Variants in RAB40C observed in about 807,000 individuals in gnomAD.
The protein encoded by RAB40C is ras-related protein Rab-40C.
In RAB40C, 8 loss-of-function variants were observed where a neutral mutation model predicts 28.1. That is an observed-to-expected ratio of 0.28 (90% confidence interval 0.17 to 0.51). The LOEUF (loss-of-function observed/expected upper bound fraction) is 0.51. Among genes scored for constraint, RAB40C ranks in the 20% least tolerant of loss-of-function variants. The pLI is 0.97. For synonymous variants in RAB40C, 201 were observed against 171.7 expected, an observed-to-expected ratio of 1.17 and a Z score of -1.34; for missense variants, 288 against 405.9, an observed-to-expected ratio of 0.71 and a Z score of 2.50.
Position 590,108 on chromosome 16 carries a change from G to C in RAB40C, c.-184G>C. ...GTGGTGCGGGAAGCGGCGGGGCGGC[G>C]GCGAGGCTGAGGTGCGCCCGGGCGC... is the stretch of plus-strand genomic sequence containing the variant. On this transcript the variant is annotated 5_prime_UTR_variant, in exon 1 of 6. Coordinates refer to ENST00000248139, the MANE Select transcript of RAB40C (RefSeq NM_021168.5). 1 of 181,450 alleles carries C rather than the reference G, an allele frequency of 5.5e-6. No individual in the cohort carries two copies. Among genetic ancestry groups the C allele is most frequent in the East Asian group, 1.9e-4 (1 of 5,154 alleles). 11.2% of individuals were successfully genotyped at this position (181,450 alleles called of 1,614,324 possible).
At position 620,765 on chromosome 16, in the gene RAB40C, C is replaced by T. The variant is rs28523441; in HGVS notation, c.264+2505C>T. On this transcript the variant is annotated intron_variant, in intron 3 of 5. Coordinates refer to ENST00000248139, the MANE Select transcript of RAB40C (RefSeq NM_021168.5). ...CACCGCGGGCATCCCAGCCCCCCGC[C>T]GACGGGCTCCACCGCGGGCATCCCA... 2.2e-3 allele frequency among the ~76,000 whole-genome samples: 224 copies of T among 101,070 alleles called. 3 individuals are homozygous for T. Among genetic ancestry groups the T allele is most frequent in the African/African-American group, 9.1e-3 (188 of 20,768 alleles). The allele number at this position is 101,070 out of a possible 152,430, so 66.3% of individuals were successfully genotyped here. A position where few individuals can be genotyped will look rare whatever the true frequency, so the allele number is the denominator to read the frequency against.
intron 1 of RAB40C, among the ~76,000 whole-genome samples, chr16:591,084 G>A (rs948123366): frequency 6.6e-6 from 1 of 150,430 alleles, no homozygotes; most frequent in East Asian, 2.0e-4. Context: ...ATGGTCCTAA[G>A]GGAAGCTGTC....
Position 627,415 on chromosome 16 carries a change from ACTGCCCGTCACCAT to A in RAB40C, c.641_654del (p.Leu214GlnfsTer59). The A allele has an allele frequency of 6.2e-7, 1 of 1,613,654 alleles. No individual in the cohort carries two copies. The highest frequency in any genetic ancestry group is 8.5e-7 in the Non-Finnish European group (1 of 1,179,932). ...CCGTGCACCTCATCGACAAGCTTCC[ACTGCCCGTCACCAT>A]CAAGAGCCACCTCAAGTCCTTCTCG... On this transcript the variant is annotated frameshift_variant, in exon 6 of 6. Transcript: ENST00000248139. LOFTEE classifies it high-confidence loss of function.
Position 627,579 on chromosome 16 carries a change from G to GCCCACCCCAGAA in RAB40C, c.806_807insACCCCAGAACCC (p.Pro269_Asn272dup), listed in dbSNP as rs769795950. On this transcript the variant is annotated inframe_insertion, in exon 6 of 6. Transcript: ENST00000248139. ...TCCAAGTCCATCCGTCCACCCCAGA[G>GCCCACCCCAGAA]CCCCCCCCAGAACTGCTCGCGGAGT... 1.2e-6 allele frequency: 2 copies of GCCCACCCCAGAA among 1,608,228 alleles called. No homozygotes were observed. Among genetic ancestry groups the GCCCACCCCAGAA allele is most frequent in the African/African-American group, 2.7e-5 (2 of 74,802 alleles).
In RAB40C at chr16:590,219, G is replaced by A. The variant is rs562176124; in HGVS notation, c.-73G>A. 1 of 1,163,966 alleles carries A rather than the reference G, an allele frequency of 8.6e-7. No individual in the cohort carries two copies. The highest frequency in any genetic ancestry group is 1.6e-5 in the African/African-American group (1 of 60,906). 72.1% of individuals were successfully genotyped at this position (1,163,966 alleles called of 1,614,324 possible). A position where few individuals can be genotyped will look rare whatever the true frequency, so the allele number is the denominator to read the frequency against. ...GCAACGGGCGCAGGTGCGGGGCGCG[G>A]GCTCTCTCACGCCGCGGCCTCACCC... is the stretch of plus-strand genomic sequence containing the variant. On this transcript the variant is annotated 5_prime_UTR_variant, in exon 1 of 6. Coordinates refer to ENST00000248139, the MANE Select transcript of RAB40C (RefSeq NM_021168.5).
At chr16:601,943 T>C (rs1343677227) in intron 1 of RAB40C, among the ~76,000 whole-genome samples, 2 of 148,276 alleles carry the variant, frequency 1.3e-5, no homozygotes, top group African/African-American at 2.5e-5. Context: ...CTGGCCAGCA[T>C]GGTGAAACTC....
At chr16:613,724 T>A (rs1032445168) in intron 1 of RAB40C, among the ~76,000 whole-genome samples, 3 of 152,190 alleles carry the variant, frequency 2.0e-5, no homozygotes, top group Non-Finnish European at 4.4e-5. Flanking sequence ...TCTTTAGTCC[T>A]TAAGGACTCA....
chr16:624,474 C>T (rs1426855994), intron 3 of RAB40C: 1 of 985,360 alleles, frequency 1.0e-6, no homozygotes, highest in African/African-American at 1.7e-5. Context: ...GGCCTTCGCC[C>T]TGGGAGCTTA....
At chr16:603,534 T>A (rs760596169) in intron 1 of RAB40C, among the ~76,000 whole-genome samples, 5 of 152,184 alleles carry the variant, frequency 3.3e-5, no homozygotes, top group Non-Finnish European at 5.9e-5. Flanking sequence ...GGCTGTCTTG[T>A]AGGGTAATCC....
rs989460061 is a variant in RAB40C, at chr16:594,854, C to G, written c.142+4421C>G. On this transcript the variant is annotated intron_variant, in intron 1 of 5. Coordinates refer to ENST00000248139, the MANE Select transcript of RAB40C (RefSeq NM_021168.5). ...TTTTTTTTTTAGACGAAGTCTTACTCTCTTGCGCAGGCTGGAGTGCAGTGG... is the reference window on the plus strand; with the variant it reads ...TTTTTTTTTTAGACGAAGTCTTACTGTCTTGCGCAGGCTGGAGTGCAGTGG... 6.2e-5 allele frequency among the ~76,000 whole-genome samples: 9 copies of G among 144,762 alleles called. No homozygotes were observed. In the East Asian group the frequency reaches 1.7e-3, roughly 27 times the overall value. The allele number at this position is 144,762 out of a possible 152,430, so 95.0% of individuals were successfully genotyped here.
rs549902550 is a variant in RAB40C at position 625,236 on chromosome 16, C to G, written c.265-196C>G. On this transcript the variant is annotated intron_variant, in intron 3 of 5. Transcript: ENST00000248139. ...AGGCGCCCACCCCCCTGCTGCAGTC[C>G]TGCCAGGTGAGGGCAGGGGTGAGGG... 4.2e-6 allele frequency: 6 copies of G among 1,444,604 alleles called. No homozygotes were observed. The South Asian group carries it at 5.4e-5, about 13-fold the overall frequency. 89.5% of individuals were successfully genotyped at this position (1,444,604 alleles called of 1,614,324 possible).
intron 1 of RAB40C, among the ~76,000 whole-genome samples, chr16:615,970 A>G (rs1438406790): frequency 6.6e-6 from 1 of 150,848 alleles, no homozygotes; most frequent in Non-Finnish European, 1.5e-5. Context: ...TCAAAAAAGA[A>G]AAAAAGGCCG....
rs2151054647 is a variant in RAB40C, at chr16:590,148, C to T, written c.-144C>T. On this transcript the variant is annotated 5_prime_UTR_variant, in exon 1 of 6. Coordinates refer to ENST00000248139, the MANE Select transcript of RAB40C (RefSeq NM_021168.5). ...CGCCCGGGCGCGGGCGGGGCGGGGC[C>T]GGCGCTGGGCTTCGGGCGCGCCCAC... The T allele has an allele frequency of 2.5e-6, 1 of 395,216 alleles. No homozygotes were observed. The highest frequency in any genetic ancestry group is 3.4e-6 in the Non-Finnish European group (1 of 293,086). 24.5% of individuals were successfully genotyped at this position (395,216 alleles called of 1,614,324 possible).
At chr16:592,040 G>A (rs1405114685) in intron 1 of RAB40C, among the ~76,000 whole-genome samples, 1 of 152,200 alleles carries the variant, frequency 6.6e-6, no homozygotes, top group Non-Finnish European at 1.5e-5. Flanking sequence ...CCTCTCATGG[G>A]GGCCTGGACC....
At position 590,256 on chromosome 16, in the gene RAB40C, G is replaced by T; in HGVS notation, c.-36G>T. The T allele has an allele frequency of 7.0e-7, 1 of 1,419,442 alleles. No individual in the cohort carries two copies. Among genetic ancestry groups the T allele is most frequent in the Non-Finnish European group, 9.2e-7 (1 of 1,082,012 alleles). The allele number at this position is 1,419,442 out of a possible 1,614,324, so 87.9% of individuals were successfully genotyped here. ...CCGCGGCCTCACCCGGCGGTGCTTC[G>T]GCAGGCGGCCGGCGCGGGGCGCAGG... On this transcript the variant is annotated 5_prime_UTR_variant, in exon 1 of 6. Coordinates refer to ENST00000248139, the MANE Select transcript of RAB40C (RefSeq NM_021168.5).
At chr16:594,898 C>T (rs886265077) in intron 1 of RAB40C, among the ~76,000 whole-genome samples, 1 of 151,396 alleles carries the variant, frequency 6.6e-6, no homozygotes, top group Non-Finnish European at 1.5e-5. Flanking sequence ...CGGCTCACTG[C>T]AACCTCTGCC....
chr16:618,711 C>G (rs537250114), intron 3 of RAB40C, among the ~76,000 whole-genome samples: 12 of 137,328 alleles, frequency 8.7e-5, no homozygotes, highest in African/African-American at 3.5e-4. Context: ...TGGGTGCACT[C>G]AGGGCCATGT....
At position 627,342 on chromosome 16, in the gene RAB40C, T is replaced by G. The variant is rs1022176244; in HGVS notation, c.566T>G (p.Val189Gly). The change falls in exon 6 of 6, where the codon GTG (valine) becomes GGG (glycine). Residue 189 changes from valine to glycine, a missense_variant and splice_region_variant. Physicochemically the swap from Val to Gly is moderately radical, Grantham distance 109 (BLOSUM62 -3). Around this residue, in one of 3 missense-constraint regions of RAB40C, gnomAD observed 153 missense variants for 262.4 expected, o/e 0.58. Transcript: ENST00000248139. ...GTCTGACACCCCCTCTGCCCCACAGTGTTCAGCCTGCAGGACCTCTGCTGC... is the reference window on the plus strand; with the variant it reads ...GTCTGACACCCCCTCTGCCCCACAGGGTTCAGCCTGCAGGACCTCTGCTGC... The part of the protein sequence containing the change: ...GMEKIWRPNR[V>G]FSLQDLCCRA... 6.2e-7 allele frequency: 1 copy of G among 1,611,720 alleles called. No homozygotes were observed. Among genetic ancestry groups the G allele is most frequent in the Non-Finnish European group, 8.5e-7 (1 of 1,179,016 alleles).
At chr16:625,788 C>A in intron 4 of RAB40C, 111 bp from the exon 5 acceptor site, 2 of 1,141,792 alleles carry the variant, frequency 1.8e-6, no homozygotes, top group Non-Finnish European at 2.5e-6. Flanking sequence ...CCACCTTGAC[C>A]TCCCACGGCC....
Sources: allele counts gnomAD v4.1 joint callset (sites outside exome capture counted in the v4.1 genomes callset), GRCh38; gene constraint gnomAD v4.1.1; regional missense constraint gnomAD v4.1.1; transcripts MANE v1.5; gene names NCBI Gene and HGNC (gene_info 2026-07-23, HGNC 2026-07-21).